TPD52L2: variants seen among roughly 807,000 people sequenced by gnomAD.
TPD52L2 encodes the protein TPD52 like 2, also known as tumor protein D54.
TPD52L2 carries 19 observed loss-of-function variants against 24.7 expected under a neutral mutation model. That is an observed-to-expected ratio of 0.77 (90% confidence interval 0.54 to 1.13). The LOEUF (loss-of-function observed/expected upper bound fraction) is 1.13. Among genes scored for constraint, TPD52L2 ranks in the 50% most tolerant of loss-of-function variants. The pLI, the probability that TPD52L2 is intolerant of heterozygous loss-of-function variation, is 0.00. For synonymous variants in TPD52L2, 104 were observed against 100.2 expected (o/e 1.04, Z -0.23); for missense variants, 236 against 250.4 (o/e 0.94, Z 0.39).
intron 4 of TPD52L2, 93 bp downstream of exon 4, chr20:63,875,968 C>A: frequency 7.7e-7 from 1 of 1,300,940 alleles, no homozygotes; most frequent in Non-Finnish European, 1.1e-6. Flanking sequence ...TGGCACAAAG[C>A]TTGTTTTGGT....
chr20:63,874,248 G>A (rs1458929630), intron 3 of TPD52L2, among the ~76,000 whole-genome samples: 1 of 149,774 alleles, frequency 6.7e-6, no homozygotes, highest in African/African-American at 2.5e-5. Flanking sequence ...GTGTGTGTGT[G>A]TGTGTGTGTT....
intron 1 of TPD52L2, among the ~76,000 whole-genome samples, chr20:63,868,957 G>C (rs979940077): frequency 4.6e-5 from 7 of 152,148 alleles, no homozygotes; most frequent in African/African-American, 1.4e-4. Context: ...AAGGTGGAAG[G>C]TCTGTTAGAT....
At chr20:63,886,499 C>A (rs943501760) in intron 5 of TPD52L2, among the ~76,000 whole-genome samples, 49 of 151,676 alleles carry the variant, frequency 3.2e-4, no homozygotes, top group Non-Finnish European at 6.8e-4. Context: ...GTAGCTGGGA[C>A]TACAGGCGCC....
intron 5 of TPD52L2, chr20:63,886,061 A>G: frequency 1.2e-6 from 2 of 1,613,682 alleles, no homozygotes; most frequent in Non-Finnish European, 1.7e-6. Context: ...GAGCCTGGAC[A>G]CACCTGTGGA....
Position 63,873,750 on chromosome 20 carries a change from T to C in TPD52L2, c.248T>C (p.Leu83Pro). The change falls in exon 3 of 7, where the codon CTC becomes CCC. Residue 83 changes from leucine to proline, a missense_variant. By Grantham distance (98) the Leu-to-Pro change is moderately conservative. Coordinates refer to ENST00000346249, the MANE Select transcript of TPD52L2 (RefSeq NM_003288.4). ...GGAGAGCTCAAGAGGAGGCTGGGCC[T>C]CTCCACCCTGGGGGAGCTGAAACAG... ...HCGELKRRLG[L>P]STLGELKQNL... The C allele has an allele frequency of 6.2e-7, 1 of 1,604,540 alleles. No homozygotes were observed. Among genetic ancestry groups the C allele is most frequent in the Non-Finnish European group, 8.5e-7 (1 of 1,176,222 alleles).
Position 63,890,048 on chromosome 20 carries a change from G to T in TPD52L2, c.*103G>T, listed in dbSNP as rs1396970071. The T allele has an allele frequency of 2.6e-6, 4 of 1,563,558 alleles. No individual in the cohort carries two copies. The highest frequency in any genetic ancestry group is 3.5e-6 in the Non-Finnish European group (4 of 1,156,488). ...CAGCCAGCCAGGGCGGATGAGCAGA[G>T]CCGGCCCTGAGGACAGTCCTGCCCA... On this transcript the variant is annotated 3_prime_UTR_variant, in exon 7 of 7. Transcript: ENST00000346249.
At chr20:63,867,815 A>G (rs1348498468) in intron 1 of TPD52L2, among the ~76,000 whole-genome samples, 1 of 149,964 alleles carries the variant, frequency 6.7e-6, no homozygotes, top group Non-Finnish European at 1.5e-5. Flanking sequence ...GACAGTCTCA[A>G]AAAAAAGAGA....
intron 3 of TPD52L2, 108 bp downstream of exon 3, chr20:63,873,924 G>T: frequency 7.9e-7 from 1 of 1,265,104 alleles, no homozygotes; most frequent in Non-Finnish European, 1.0e-6. Flanking sequence ...TTGCAGCCGT[G>T]GAGTTGAGTG....
At position 63,877,056 on chromosome 20, in the gene TPD52L2, C is replaced by A; in HGVS notation, c.374+1181C>A. 1 of 439,938 alleles carries A rather than the reference C, an allele frequency of 2.3e-6. No individual in the cohort carries two copies. The highest frequency in any genetic ancestry group is 1.6e-5 in the South Asian group (1 of 61,788). 27.3% of individuals were successfully genotyped at this position (439,938 alleles called of 1,614,324 possible). ...TGGTTTTTTTTTTGAGACAACGTCT[C>A]GTTCTGTCTCCCAGGCTGGAGTGCA... On this transcript the variant is annotated intron_variant, in intron 4 of 6. Transcript: ENST00000346249. This position sits in a 1 kb window ranked among gnomAD's most constrained non-coding sequence, Gnocchi z 4.1.
At chr20:63,865,534 C>T (rs775524672) in intron 1 of TPD52L2, 150 bp downstream of exon 1, 32 of 1,091,112 alleles carry the variant, frequency 2.9e-5, no homozygotes, top group Non-Finnish European at 3.5e-5. Context: ...CCACTGACCT[C>T]GAAGCTTATG....
intron 4 of TPD52L2, among the ~76,000 whole-genome samples, chr20:63,878,949 G>C (rs1265558686): frequency 6.6e-6 from 1 of 152,202 alleles, no homozygotes; most frequent in Non-Finnish European, 1.5e-5. Flanking sequence ...TAACAACCCA[G>C]CCTTCTGGTC....
In TPD52L2 at chr20:63,890,550, A is replaced by G. The variant is rs946273655; in HGVS notation, c.*605A>G. 4 of 153,426 alleles carry G rather than the reference A, an allele frequency of 2.6e-5. No individual in the cohort carries two copies. The Admixed American group carries it at 2.6e-4, about 10-fold the overall frequency. The allele number at this position is 153,426 out of a possible 1,614,324, so 9.5% of individuals were successfully genotyped here. On this transcript the variant is annotated 3_prime_UTR_variant, in exon 7 of 7. Transcript: ENST00000346249. ...TTTTAAATGCAGTGGACTTTTCAAAAAGTTTAAATTAGGCAAAGCAGCTTT... is the reference window on the plus strand; with the variant it reads ...TTTTAAATGCAGTGGACTTTTCAAAGAGTTTAAATTAGGCAAAGCAGCTTT...
chr20:63,885,620 C>T (rs1336705690), intron 5 of TPD52L2, among the ~76,000 whole-genome samples: 3 of 152,236 alleles, frequency 2.0e-5, no homozygotes, highest in African/African-American at 4.8e-5. Flanking sequence ...GCCCAGCTGT[C>T]ATGCTGTGGC....
rs535617937 is a variant in TPD52L2, at chr20:63,887,275, A to C, written c.477-1915A>C. ...TTGACTTCTGAAGGCTGTTTGTACC[A>C]AATACTTTTCAAAAGCCCAAGCCTG... On this transcript the variant is annotated intron_variant, in intron 5 of 6. Coordinates refer to ENST00000346249, the MANE Select transcript of TPD52L2 (RefSeq NM_003288.4). 4.8e-4 allele frequency: 267 copies of C among 552,880 alleles called. 1 individual carries two copies. The highest frequency in any genetic ancestry group is 3.9e-3 in the African/African-American group (207 of 52,832). 34.2% of individuals were successfully genotyped at this position (552,880 alleles called of 1,614,324 possible).
chr20:63,866,919 A>G (rs1396081660), intron 1 of TPD52L2, among the ~76,000 whole-genome samples: 4 of 150,752 alleles, frequency 2.7e-5, no homozygotes, highest in African/African-American at 9.8e-5. Context: ...CTATAAGACT[A>G]CAGGCGCACC....
At position 63,888,918 on chromosome 20, in the gene TPD52L2, G is replaced by A. The variant is rs151031734; in HGVS notation, c.477-272G>A. 5.0e-3 allele frequency: 2,732 copies of A among 544,048 alleles called. 11 individuals carry two copies. Among genetic ancestry groups the A allele is most frequent in the Non-Finnish European group, 7.3e-3 (2,207 of 300,664 alleles). The allele number at this position is 544,048 out of a possible 1,614,324, so 33.7% of individuals were successfully genotyped here. On this transcript the variant is annotated intron_variant, in intron 5 of 6. Transcript: ENST00000346249. The stretch of plus-strand genomic sequence containing the variant: ...GTCCCTGTAGGGTATGACAGAGAGG[G>A]GCCGACATCTCCCCAGCTGCACAGT...
At chr20:63,873,627 G>T in intron 2 of TPD52L2, 41 bp from the exon 3 acceptor site, 1 of 1,604,660 alleles carries the variant, frequency 6.2e-7, no homozygotes, top group South Asian at 1.1e-5. Context: ...GTCACTTCCT[G>T]CAGTAGTGAT....
At chr20:63,887,415 G>C in intron 5 of TPD52L2, 2 of 907,612 alleles carry the variant, frequency 2.2e-6, no homozygotes, top group East Asian at 2.4e-5. Flanking sequence ...GTTTCCTTCG[G>C]GGGCATTGTG....
chr20:63,886,249 C>T (rs1168084113), intron 5 of TPD52L2, among the ~76,000 whole-genome samples: 32 of 152,190 alleles, frequency 2.1e-4, no homozygotes. Context: ...CCCCGGAACC[C>T]CCCGGCCCTT....
Sources: gnomAD v4.1 joint callset for allele counts (sites outside exome capture counted in the v4.1 genomes callset) on GRCh38, gnomAD v4.1.1 for gene constraint, Gnocchi (gnomAD v3.1) non-coding constraint, MANE v1.5 for transcripts, NCBI Gene and HGNC (gene_info 2026-07-23, HGNC 2026-07-21) for gene names.